The following COL6A6 variants were observed in gnomAD, a reference collection of about 807,000 sequenced individuals.
The protein encoded by COL6A6 is collagen type VI alpha 6 chain, also known as collagen alpha-6(VI) chain.
In COL6A6, 183 loss-of-function variants were observed where a neutral mutation model predicts 208.6. The ratio of observed to expected loss-of-function variants is 0.88; its 90% CI spans 0.78 to 0.99. The LOEUF is 0.99. Ranked by LOEUF, COL6A6 falls within the 50% of genes least tolerant of loss-of-function variation. The pLI, the probability that COL6A6 is intolerant of heterozygous loss-of-function variation, is 0.00. For synonymous variants in COL6A6, 973 were observed against 1,011.8 expected, an observed-to-expected ratio of 0.96 and a Z score of 0.73; for missense variants, 2,816 against 2,815.2, an observed-to-expected ratio of 1.00 and a Z score of -0.01.
chr3:130,665,727 GA>G (rs1353277338), intron 36 of COL6A6, among the ~76,000 whole-genome samples: 1 of 152,148 alleles, frequency 6.6e-6, no homozygotes, highest in Non-Finnish European at 1.5e-5. Flanking sequence ...AATGTAGAAG[GA>G]ATGGTAGAAT....
intron 20 of COL6A6, among the ~76,000 whole-genome samples, chr3:130,603,426 A>T (rs1397150571): frequency 6.6e-6 from 1 of 152,200 alleles, no homozygotes; most frequent in Non-Finnish European, 1.5e-5. Context: ...TGTAGAGCTA[A>T]TAAGCTGTTA....
rs984723306 is a variant in COL6A6, at chr3:130,563,296, T to C, written c.293T>C (p.Phe98Ser). Residue 98 changes from phenylalanine (F) to serine (S), a missense_variant, in exon 3 of 37, where the codon TTT (phenylalanine) becomes TCT (serine). Physicochemically the swap from Phe to Ser is radical, Grantham distance 155 (BLOSUM62 -2). Transcript: ENST00000358511. Reference protein sequence around the residue: ...SPMLNHLRKNFGFIGGSLQIG... With the variant: ...SPMLNHLRKNSGFIGGSLQIG... ...ATGCTGAACCACCTAAGGAAGAACT[T>C]TGGATTCATTGGCGGGTCCCTGCAG... The C allele has an allele frequency of 8.1e-6, 13 of 1,613,820 alleles. No individual in the cohort carries two copies. The highest frequency in any genetic ancestry group is 8.0e-5 in the African/African-American group (6 of 74,884).
rs1462681246 is a variant in COL6A6 at position 130,581,550 on chromosome 3, T to C, written c.3548-11T>C. 6.4e-7 allele frequency: 1 copy of C among 1,569,870 alleles called. No individual in the cohort carries two copies. The highest frequency in any genetic ancestry group is 2.3e-5 in the East Asian group (1 of 44,280). On this transcript the variant is annotated splice_polypyrimidine_tract_variant and intron_variant, in intron 8 of 36. Transcript: ENST00000358511. ...TGATTTATTAAGACATGCTTTTCCT[T>C]TGAATCCTAGACTGTTTCGTGGATG...
chr3:130,605,260 A>G (rs2064148158), intron 20 of COL6A6, among the ~76,000 whole-genome samples: 1 of 151,944 alleles, frequency 6.6e-6, no homozygotes, highest in South Asian at 2.1e-4. Context: ...TAAAACTTGT[A>G]TTTCTATCTT....
rs749310797 is a variant in COL6A6 at position 130,574,342 on chromosome 3, G to A, written c.3364G>A (p.Ala1122Thr). 36 of 1,613,906 alleles carry A rather than the reference G, an allele frequency of 2.2e-5. No individual in the cohort carries two copies. The Admixed American group carries it at 2.3e-4, about 10-fold the overall frequency. ...GTCCCAAGACGAGGTGGCCCAGGCC[G>A]CGGAAGCCCTGAGACACAGAGGTAT... is the stretch of plus-strand genomic sequence containing the variant. ...GQSQDEVAQA[A>T]EALRHRGIDI... The change falls in exon 8 of 37, where the codon GCG becomes ACG. Residue 1122 changes from alanine (A) to threonine (T), a missense_variant. By Grantham distance (58) the Ala-to-Thr change is moderately conservative. Transcript: ENST00000358511.
rs147378925 is a variant in COL6A6, at chr3:130,573,821, G to A, written c.2978-135G>A. The A allele has an allele frequency of 9.0e-3, 5,522 of 613,922 alleles. 143 individuals are homozygous for A. The highest frequency in any genetic ancestry group is 0.081 in the East Asian group (2,883 of 35,430). 38.0% of individuals were successfully genotyped at this position (613,922 alleles called of 1,614,324 possible). On this transcript the variant is annotated intron_variant, in intron 7 of 36. Transcript: ENST00000358511. ...CCTGACCTTGTGATCTGCCCGCCTC[G>A]GCCTCCCAAAGTGCTGGGATTACAG...
At chr3:130,588,476 TA>T (rs1366803900) in intron 11 of COL6A6, among the ~76,000 whole-genome samples, 1 of 152,216 alleles carries the variant, frequency 6.6e-6, no homozygotes, top group Non-Finnish European at 1.5e-5. Context: ...TAGATGTTTT[TA>T]CCAGAGTATA....
chr3:130,569,809 T>C lies in COL6A6; in HGVS notation c.2402-1009T>C, dbSNP rs1229173129. On this transcript the variant is annotated intron_variant, in intron 6 of 36. Coordinates refer to ENST00000358511, the MANE Select transcript of COL6A6 (RefSeq NM_001102608.3). ...AGTACAGCCAGCCTTTCTTGGGAAT[T>C]TTGTTGATGGCCCTGTACACATGGC... Among the ~76,000 whole-genome samples the C allele has an allele frequency of 2.0e-5, 3 of 152,162 alleles. No homozygotes were observed. The East Asian group carries it at 5.8e-4, about 29-fold the overall frequency.
intron 32 of COL6A6, 72 bp from the exon 33 acceptor site, chr3:130,648,997 T>C (rs1039445867): frequency 7.9e-7 from 1 of 1,260,048 alleles, no homozygotes; most frequent in Non-Finnish European, 1.1e-6. Flanking sequence ...CATTTAAAAT[T>C]ACTTTGCCTT....
chr3:130,520,657 T>G (rs1006181156), intron 1 of COL6A6, among the ~76,000 whole-genome samples: 11 of 152,310 alleles, frequency 7.2e-5, no homozygotes, highest in Admixed American at 3.9e-4. Flanking sequence ...ATGCATCTCA[T>G]GTAAAGCTGT....
intron 21 of COL6A6, among the ~76,000 whole-genome samples, chr3:130,607,241 ATAAC>A (rs2064211409): frequency 6.6e-6 from 1 of 152,220 alleles, no homozygotes; most frequent in African/African-American, 2.4e-5. Flanking sequence ...ACAAACTTGA[ATAAC>A]TTAGTAGATG....
At chr3:130,599,217 TTAG>T (rs566296004) in intron 19 of COL6A6, among the ~76,000 whole-genome samples, 24 of 152,334 alleles carry the variant, frequency 1.6e-4, no homozygotes, top group Non-Finnish European at 2.9e-4. Context: ...TCTGCCATTA[TTAG>T]TAAGTGGTAA....
At chr3:130,561,453 G>T (rs911529559) in intron 2 of COL6A6, among the ~76,000 whole-genome samples, 5 of 152,102 alleles carry the variant, frequency 3.3e-5, no homozygotes, top group Non-Finnish European at 7.4e-5. Context: ...ATTATGCCTC[G>T]ATCAGATGGC....
chr3:130,614,186 A>T (rs1025232005), intron 23 of COL6A6, among the ~76,000 whole-genome samples: 2 of 152,152 alleles, frequency 1.3e-5, no homozygotes, highest in African/African-American at 2.4e-5. Context: ...ACATTCCCTC[A>T]ATCCCTGGTT....
intron 20 of COL6A6, among the ~76,000 whole-genome samples, chr3:130,601,827 G>T (rs1173319606): frequency 6.6e-6 from 1 of 152,232 alleles, no homozygotes; most frequent in East Asian, 1.9e-4. Flanking sequence ...GCTTCAAGCT[G>T]CAAGTAATGA....
chr3:130,624,225 A>T (rs1331436962), intron 24 of COL6A6, among the ~76,000 whole-genome samples: 1 of 152,226 alleles, frequency 6.6e-6, no homozygotes, highest in African/African-American at 2.4e-5. Context: ...GCATGTTTAT[A>T]ATCAGAGGAG....
intron 8 of COL6A6, among the ~76,000 whole-genome samples, chr3:130,577,664 G>A (rs1014169040): frequency 3.9e-5 from 6 of 152,206 alleles, no homozygotes; most frequent in Admixed American, 3.9e-4. Flanking sequence ...AATCCCAAGT[G>A]TGAGAGACAC....
intron 2 of COL6A6, among the ~76,000 whole-genome samples, chr3:130,562,509 T>A (rs1345928665): frequency 6.7e-6 from 1 of 148,920 alleles, no homozygotes; most frequent in Non-Finnish European, 1.5e-5. Context: ...ATTTATAGAT[T>A]TTTTTAAACT....
chr3:130,525,092 G>C (rs2107677499), intron 1 of COL6A6, among the ~76,000 whole-genome samples: 1 of 152,258 alleles, frequency 6.6e-6, no homozygotes, highest in South Asian at 2.1e-4. Context: ...GAGAGTCCAG[G>C]ATTTCAAGGT....
Sources: allele counts gnomAD v4.1 joint callset (sites outside exome capture counted in the v4.1 genomes callset), GRCh38; gene constraint gnomAD v4.1.1; transcripts MANE v1.5; gene names NCBI Gene and HGNC (gene_info 2026-07-23, HGNC 2026-07-21).